The following ADGRL2 variants were observed in gnomAD, a reference collection of about 807,000 sequenced individuals.
ADGRL2 encodes calcium-independent alpha-latrotoxin receptor 2.
In ADGRL2, 44 loss-of-function variants were observed where a neutral mutation model predicts 157.4. The observed-to-expected ratio is 0.28, with a 90% CI of 0.22 to 0.36. The LOEUF (loss-of-function observed/expected upper bound fraction) is 0.36, where lower values mean the gene tolerates loss of function less well. Ranked by LOEUF, ADGRL2 falls within the 10% of genes least tolerant of loss-of-function variation. ADGRL2 has a pLI of 1.00. For missense variants in ADGRL2, 1,510 were observed against 1,768.9 expected, an observed-to-expected ratio of 0.85 and a Z score of 2.63; for synonymous variants, 585 against 624.7, an observed-to-expected ratio of 0.94 and a Z score of 0.95.
Position 81,593,941 on chromosome 1 carries a change from G to A in ADGRL2, c.-143+12961G>A, listed in dbSNP as rs77541304. Among the ~76,000 whole-genome samples the A allele has an allele frequency of 5.8e-3, 883 of 152,118 alleles. 5 individuals are homozygous for A. Among genetic ancestry groups the A allele is most frequent in the African/African-American group, 0.02 (831 of 41,508 alleles). On this transcript the variant is annotated intron_variant, in intron 3 of 24. Coordinates refer to the ADGRL2 transcript ENST00000370721. ...TGGCTGACCACAAGCAAGAAGCTTC[G>A]GAGACTTCAAAAATAGAGGCTTCTA...
intron 1 of ADGRL2, among the ~76,000 whole-genome samples, chr1:81,319,044 C>T (rs1474189364): frequency 7.0e-5 from 10 of 142,906 alleles, no homozygotes; most frequent in East Asian, 2.1e-4. Flanking sequence ...CAGGTTCAAG[C>T]GATTCTCCTG....
chr1:81,900,151 T>G (rs1383012960), intron 2 of ADGRL2, among the ~76,000 whole-genome samples: 2 of 152,170 alleles, frequency 1.3e-5, no homozygotes, highest in Non-Finnish European at 2.9e-5. Flanking sequence ...TTTTGAGGAT[T>G]CATAATCAGG....
intron 3 of ADGRL2, among the ~76,000 whole-genome samples, chr1:81,671,546 C>T (rs1449538570): frequency 1.3e-5 from 2 of 151,708 alleles, no homozygotes; most frequent in Non-Finnish European, 2.9e-5. Context: ...AGAGTTTTGC[C>T]CCGTCGCCCA....
chr1:81,667,003 A>C (rs1272695057), intron 3 of ADGRL2, among the ~76,000 whole-genome samples: 1 of 152,226 alleles, frequency 6.6e-6, no homozygotes, highest in Non-Finnish European at 1.5e-5. Context: ...GAAAGTGGCC[A>C]CATCTATTAT....
chr1:81,685,667 C>T (rs71646944), intron 3 of ADGRL2, among the ~76,000 whole-genome samples: 20,842 of 152,078 alleles, frequency 0.14, 1,737 homozygotes, highest in Middle Eastern at 0.21. Flanking sequence ...ACTTCCAGTC[C>T]GATGTTGAAG....
At chr1:81,949,269 G>A (rs1428261428) in intron 6 of ADGRL2, among the ~76,000 whole-genome samples, 1 of 152,104 alleles carries the variant, frequency 6.6e-6, no homozygotes, top group Admixed American at 6.6e-5. Context: ...ACAGATTTTT[G>A]TTGTTGTTTA....
At chr1:81,788,783 T>C (rs897451616) in intron 2 of ADGRL2, among the ~76,000 whole-genome samples, 2 of 152,080 alleles carry the variant, frequency 1.3e-5, no homozygotes, top group African/African-American at 2.4e-5. Flanking sequence ...TGGCACGATA[T>C]GGGCTCACTG....
chr1:81,402,337 A>G (rs2101278960), intron 1 of ADGRL2, among the ~76,000 whole-genome samples: 1 of 152,178 alleles, frequency 6.6e-6, no homozygotes, highest in South Asian at 2.1e-4. Flanking sequence ...GGGTACAGAA[A>G]CTTCTCTCCA....
intron 2 of ADGRL2, among the ~76,000 whole-genome samples, chr1:81,877,577 A>T (rs1413474189): frequency 6.6e-6 from 1 of 152,122 alleles, no homozygotes; most frequent in African/African-American, 2.4e-5. Flanking sequence ...GACCTGAATG[A>T]ACCAGGAATA....
At chr1:81,567,440 A>G (rs769673531) in intron 2 of ADGRL2, among the ~76,000 whole-genome samples, 2 of 152,102 alleles carry the variant, frequency 1.3e-5, no homozygotes, top group Non-Finnish European at 2.9e-5. Flanking sequence ...TGTCTGATCT[A>G]TATCATGAAT....
intron 2 of ADGRL2, among the ~76,000 whole-genome samples, chr1:81,779,519 C>CCATA (rs773375322): frequency 6.6e-6 from 1 of 152,194 alleles, no homozygotes. Flanking sequence ...ATTTCACAAG[C>CCATA]CATAGCTCAT....
intron 3 of ADGRL2, among the ~76,000 whole-genome samples, chr1:81,602,205 A>G (rs545673611): frequency 6.6e-6 from 1 of 152,348 alleles, no homozygotes; most frequent in East Asian, 1.9e-4. Flanking sequence ...CACACCTACA[A>G]TCCCAGCACT....
chr1:81,430,113 G>A (rs1033279900), intron 1 of ADGRL2, among the ~76,000 whole-genome samples: 1 of 152,082 alleles, frequency 6.6e-6, no homozygotes, highest in African/African-American at 2.4e-5. Context: ...GGCTGGTTTC[G>A]AACTCCCGAC....
chr1:81,669,714 G>A (rs558694559), intron 3 of ADGRL2, among the ~76,000 whole-genome samples: 16 of 152,108 alleles, frequency 1.1e-4, no homozygotes, highest in East Asian at 7.8e-4. Context: ...AGGCCAAGGC[G>A]GGCGGATCAT....
intron 2 of ADGRL2, among the ~76,000 whole-genome samples, chr1:81,516,323 G>T (rs1215722850): frequency 6.6e-6 from 1 of 152,202 alleles, no homozygotes; most frequent in African/African-American, 2.4e-5. Flanking sequence ...GGTCCAGAAG[G>T]TTGGGAATGT....
chr1:81,938,728 C>T (rs561428938), intron 4 of ADGRL2, among the ~76,000 whole-genome samples: 37 of 151,612 alleles, frequency 2.4e-4, no homozygotes, highest in African/African-American at 8.7e-4. Context: ...AGTAGTGACA[C>T]TCTATAAATT....
chr1:81,976,327 A>G (rs986510764), intron 17 of ADGRL2, among the ~76,000 whole-genome samples: 1 of 152,004 alleles, frequency 6.6e-6, no homozygotes, highest in African/African-American at 2.4e-5. Flanking sequence ...GTCCTCTTCC[A>G]CATACCATTG....
chr1:81,967,353 C>T (rs1657406035), intron 13 of ADGRL2, among the ~76,000 whole-genome samples: 1 of 151,962 alleles, frequency 6.6e-6, no homozygotes. Flanking sequence ...GCTCCACCTC[C>T]CGGGTTCACG....
At chr1:81,505,280 G>A (rs2078948413) in intron 2 of ADGRL2, 1 of 534,328 alleles carries the variant, frequency 1.9e-6, no homozygotes, top group Admixed American at 2.2e-5. Context: ...GGTGTGGGCA[G>A]AGAAGGGCAT....
Sources: allele counts gnomAD v4.1 joint callset (sites outside exome capture counted in the v4.1 genomes callset), GRCh38; gene constraint gnomAD v4.1.1; transcripts MANE v1.5; gene names NCBI Gene and HGNC (gene_info 2026-07-23, HGNC 2026-07-21).